The following HCN2 variants were observed in gnomAD, a reference collection of about 807,000 sequenced individuals.
HCN2 encodes hyperpolarization activated cyclic nucleotide gated potassium and sodium channel 2, also known as potassium/sodium hyperpolarization-activated cyclic nucleotide-gated channel 2.
HCN2 carries 20 observed loss-of-function variants against 52.3 expected under a neutral mutation model. The ratio of observed to expected loss-of-function variants is 0.38; its 90% CI spans 0.27 to 0.56. HCN2 has a LOEUF of 0.56. Ranked by LOEUF, HCN2 falls within the 20% of genes least tolerant of loss-of-function variation. The pLI is 0.71. For synonymous variants in HCN2, 694 were observed against 537.0 expected (o/e 1.29, Z -4.04); for missense variants, 981 against 1,207.7 (o/e 0.81, Z 2.78).
chr19:612,390 A>G (rs1490498880), intron 5 of HCN2, among the ~76,000 whole-genome samples: 1 of 77,950 alleles, frequency 1.3e-5, no homozygotes, highest in Non-Finnish European at 2.7e-5. Flanking sequence ...GTAGCTTTCC[A>G]CTGGTGTGTG....
chr19:597,769 TCCCCCTTGGTGGTTTCTAGGC>T (rs1376692252), intron 1 of HCN2, among the ~76,000 whole-genome samples: 3 of 144,654 alleles, frequency 2.1e-5, no homozygotes, highest in Non-Finnish European at 3.0e-5. Flanking sequence ...GGTTTCTAGG[TCCCCCTTGGTGGTTTCTAGGC>T]CCTCCTGGTG....
At position 608,065 on chromosome 19, in the gene HCN2, C is replaced by T. The variant is rs1983483177; in HGVS notation, c.1320C>T (p.Asp440=). The change falls in exon 4 of 8, where the codon GAC becomes GAT. Residue 440 remains aspartate, a synonymous_variant. Transcript: ENST00000251287. The part of the protein sequence containing the change: ...YGRQAPESMT[D]IWLTMLSMIV... ...GGCAGGCGCCCGAGAGCATGACGGA[C>T]ATCTGGCTGACCATGCTCAGCATGA... The T allele has an allele frequency of 3.7e-6, 6 of 1,613,160 alleles. No individual in the cohort carries two copies. Among genetic ancestry groups the T allele is most frequent in the East Asian group, 4.5e-5 (2 of 44,886 alleles).
At chr19:610,516 A>AG in intron 5 of HCN2, 111 bp downstream of exon 5, 1 of 946,618 alleles carries the variant, frequency 1.1e-6, no homozygotes, top group Admixed American at 2.1e-5. Context: ...AGGCTGCAGC[A>AG]GGAGGGACTC....
intron 4 of HCN2, among the ~76,000 whole-genome samples, chr19:609,076 G>A (rs973258562): frequency 6.6e-5 from 10 of 152,326 alleles, no homozygotes; most frequent in Non-Finnish European, 1.0e-4. Flanking sequence ...CCCGCGCCCC[G>A]AGCAGTGGCT....
In HCN2 at chr19:615,998, C is replaced by T; in HGVS notation, c.2194C>T (p.Gln732Ter). 5.1e-6 allele frequency: 8 copies of T among 1,558,324 alleles called. No homozygotes were observed. Among genetic ancestry groups the T allele is most frequent in the Non-Finnish European group, 6.9e-6 (8 of 1,157,932 alleles). ...CACCTCGGCCATCGCCACGCTGCAGCAGGCGGCGGCCATGAGCTTCTGCCC... is the reference window on the plus strand; with the variant it reads ...CACCTCGGCCATCGCCACGCTGCAGTAGGCGGCGGCCATGAGCTTCTGCCC... ...QVTSAIATLQ[Q>*]AAAMSFCPQV... is the part of the protein sequence containing the mutation. Residue 732 changes from glutamine (Q) to a stop codon, truncating the protein, a stop_gained, in exon 8 of 8, where the codon CAG becomes TAG. Coordinates refer to ENST00000251287, the MANE Select transcript of HCN2 (RefSeq NM_001194.4). LOFTEE classifies it low-confidence loss of function (END_TRUNC).
chr19:614,815 G>A (rs567061628), intron 7 of HCN2, among the ~76,000 whole-genome samples: 184 of 152,258 alleles, frequency 1.2e-3, no homozygotes, highest in South Asian at 3.3e-3. Flanking sequence ...CCTCTCAGGG[G>A]GGCAGTCTCT....
intron 1 of HCN2, among the ~76,000 whole-genome samples, chr19:596,401 A>G (rs895034848): frequency 1.3e-5 from 2 of 152,090 alleles, no homozygotes; most frequent in Admixed American, 6.5e-5. Flanking sequence ...CCCAGGTGTG[A>G]GAGCTGAGGC....
chr19:590,001 C>A lies in HCN2; in HGVS notation c.56C>A (p.Ala19Glu). 3.0e-6 allele frequency: 2 copies of A among 657,284 alleles called. No individual in the cohort carries two copies. Among genetic ancestry groups the A allele is most frequent in the Non-Finnish European group, 3.7e-6 (2 of 543,756 alleles). The allele number at this position is 657,284 out of a possible 1,614,324, so 40.7% of individuals were successfully genotyped here. A position where few individuals can be genotyped will look rare whatever the true frequency, so the allele number is the denominator to read the frequency against. The change falls in exon 1 of 8, where the codon GCG becomes GAG. Residue 19 changes from alanine to glutamate, a missense_variant. Transcript: ENST00000251287. This position sits in a 1 kb window ranked among gnomAD's most constrained non-coding sequence, Gnocchi z 7.2. ...GGGGAGAGCCCGGGCGCGACCCCCG[C>A]GCCGGGGCCGCCGCCGCCGCCGCCG... ...RPGESPGATP[A>E]PGPPPPPPPA... is the part of the protein sequence containing the mutation.
chr19:614,940 G>T (rs1166619022), intron 7 of HCN2, among the ~76,000 whole-genome samples: 1 of 152,150 alleles, frequency 6.6e-6, no homozygotes. Flanking sequence ...CAGGACAGGT[G>T]CGACGGAGTG....
intron 6 of HCN2, among the ~76,000 whole-genome samples, 177 bp from the exon 7 acceptor site, chr19:613,667 ATGGGGATG>A (rs1983760216): frequency 1.1e-4 from 1 of 8,946 alleles, no homozygotes; most frequent in East Asian, 5.0e-3. Context: ...GGGGCCGGGG[ATGGGGATG>A]GGGCCGGGGA....
At chr19:610,146 A>C in intron 4 of HCN2, 113 bp from the exon 5 acceptor site, 1 of 1,301,334 alleles carries the variant, frequency 7.7e-7, no homozygotes, top group Non-Finnish European at 1.1e-6. Flanking sequence ...TGCCCGCTGC[A>C]GGCTGGGGGC....
chr19:594,881 G>A (rs1982977630), intron 1 of HCN2, among the ~76,000 whole-genome samples: 1 of 152,120 alleles, frequency 6.6e-6, no homozygotes, highest in South Asian at 2.1e-4. Context: ...TCTCTTCAGG[G>A]CCTTCCCTAT....
intron 1 of HCN2, among the ~76,000 whole-genome samples, chr19:600,236 G>A (rs1264468661): frequency 2.6e-5 from 4 of 152,104 alleles, no homozygotes; most frequent in Admixed American, 6.5e-5. Flanking sequence ...GCAGTGGCAC[G>A]ATCTCGGCTC....
At chr19:613,649 A>C (rs1279458895) in intron 6 of HCN2, among the ~76,000 whole-genome samples, 161 bp downstream of exon 6, 426 of 8,730 alleles carry the variant, frequency 0.049, 27 homozygotes, top group African/African-American at 0.17. Context: ...GGGGATGGGG[A>C]TGGGGATGGG....
chr19:597,437 A>C (rs1387173069), intron 1 of HCN2, among the ~76,000 whole-genome samples: 2 of 152,162 alleles, frequency 1.3e-5, no homozygotes, highest in Non-Finnish European at 2.9e-5. Flanking sequence ...TGGCCGTTTA[A>C]AACCAGGTAC....
In HCN2 at chr19:616,276, G is replaced by T; in HGVS notation, c.2472G>T (p.Gln824His). ...SRASRPLSAS[Q>H]PSLPHGAPGP... ...CGTCGCGCCCACTGTCCGCCTCGCA[G>T]CCCTCGCTGCCTCACGGCGCCCCCG... Residue 824 changes from glutamine to histidine, a missense_variant, in exon 8 of 8, where the codon CAG (glutamine) becomes CAT (histidine). Gln to His is a conservative substitution (Grantham distance 24, BLOSUM62 0). Around this residue, in one of 6 missense-constraint regions of HCN2, gnomAD observed 368 missense variants for 314.8 expected, o/e 1.17. Transcript: ENST00000251287. The T allele has an allele frequency of 1.9e-6, 2 of 1,054,324 alleles. No homozygotes were observed. The highest frequency in any genetic ancestry group is 3.6e-5 in the South Asian group (1 of 27,676). 65.3% of individuals were successfully genotyped at this position (1,054,324 alleles called of 1,614,324 possible).
intron 5 of HCN2, among the ~76,000 whole-genome samples, chr19:611,082 G>C (rs563345388): frequency 2.0e-5 from 3 of 152,212 alleles, no homozygotes; most frequent in Non-Finnish European, 4.4e-5. Context: ...CGTTGGATCA[G>C]GGCCCACCCG....
At chr19:614,049 G>A (rs759366832) in intron 7 of HCN2, 33 bp downstream of exon 7, 38 of 1,506,924 alleles carry the variant, frequency 2.5e-5, no homozygotes, top group Non-Finnish European at 3.3e-5. Context: ...CGGGGCGGGT[G>A]CCCTGGCGGG....
chr19:606,679 C>T (rs2144521185), intron 3 of HCN2, among the ~76,000 whole-genome samples: 1 of 150,698 alleles, frequency 6.6e-6, no homozygotes, highest in South Asian at 2.1e-4. Context: ...ATGCTGAAAC[C>T]CCGTCTCTAC....
Sources: gnomAD v4.1 joint callset for allele counts (sites outside exome capture counted in the v4.1 genomes callset) on GRCh38, gnomAD v4.1.1 for gene constraint, gnomAD v4.1.1 regional missense constraint, Gnocchi (gnomAD v3.1) non-coding constraint, MANE v1.5 for transcripts, NCBI Gene and HGNC (gene_info 2026-07-23, HGNC 2026-07-21) for gene names.